The following CTIF variants were observed in gnomAD, a reference collection of about 807,000 sequenced individuals.
CTIF encodes CBP80/20-dependent translation initiation factor.
CTIF carries 21 observed loss-of-function variants against 66.0 expected under a neutral mutation model. The observed-to-expected ratio is 0.32, with a 90% CI of 0.23 to 0.46. CTIF has a LOEUF of 0.46. Ranked by LOEUF, CTIF falls within the 20% of genes least tolerant of loss-of-function variation. The pLI is 1.00. For missense variants in CTIF, 739 were observed against 812.7 expected, an observed-to-expected ratio of 0.91 and a Z score of 1.10; for synonymous variants, 345 against 326.4, an observed-to-expected ratio of 1.06 and a Z score of -0.62.
chr18:48,822,372 A>G (rs1392895229), intron 10 of CTIF, among the ~76,000 whole-genome samples: 3 of 152,062 alleles, frequency 2.0e-5, no homozygotes, highest in African/African-American at 7.2e-5. Context: ...TCTTCTAGCT[A>G]TTTTGAAATA....
chr18:48,636,690 G>A lies in CTIF; in HGVS notation c.252+5G>A, dbSNP rs561672289. On this transcript the variant is annotated splice_donor_5th_base_variant and intron_variant, in intron 3 of 11. Coordinates refer to ENST00000256413, the MANE Select transcript of CTIF (RefSeq NM_014772.3). ...GGGCGAGCCCCCCCACAGCAGGTAG[G>A]GAACCAGCTCTGCGCTCTGTCTGGG... is the stretch of plus-strand genomic sequence containing the variant. The A allele has an allele frequency of 8.8e-6, 14 of 1,592,002 alleles. No homozygotes were observed. Among genetic ancestry groups the A allele is most frequent in the South Asian group, 5.8e-5 (5 of 86,838 alleles).
chr18:48,675,771 G>A (rs1312176673), intron 6 of CTIF, among the ~76,000 whole-genome samples: 1 of 152,206 alleles, frequency 6.6e-6, no homozygotes, highest in Non-Finnish European at 1.5e-5. Context: ...GGGCTGCAGG[G>A]GAACACCCAC....
intron 1 of CTIF, among the ~76,000 whole-genome samples, chr18:48,585,139 C>T (rs1313230457): frequency 4.6e-5 from 7 of 152,246 alleles, no homozygotes; most frequent in Non-Finnish European, 1.0e-4. Context: ...TGTGTAGCCA[C>T]ATTTCTCAAA....
At chr18:48,598,791 G>A (rs909559232) in intron 1 of CTIF, among the ~76,000 whole-genome samples, 3 of 152,120 alleles carry the variant, frequency 2.0e-5, no homozygotes, top group Admixed American at 1.3e-4. Context: ...ATTCAGCATG[G>A]GCCAAAAGTA....
At chr18:48,793,615 T>G (rs1344865202) in intron 9 of CTIF, among the ~76,000 whole-genome samples, 1 of 152,210 alleles carries the variant, frequency 6.6e-6, no homozygotes, top group Admixed American at 6.5e-5. Flanking sequence ...GGCCACAGGC[T>G]CCAGGGGGCT....
At chr18:48,687,493 G>A (rs72909786) in intron 6 of CTIF, among the ~76,000 whole-genome samples, 6,809 of 152,082 alleles carry the variant, frequency 0.045, 240 homozygotes, top group East Asian at 0.074. Context: ...AAAGTGCTCT[G>A]GGACTCAAGG....
At position 48,652,879 on chromosome 18, in the gene CTIF, A is replaced by T. The variant is rs530730825; in HGVS notation, c.253-10873A>T. On this transcript the variant is annotated intron_variant, in intron 3 of 11. Coordinates refer to ENST00000256413, the MANE Select transcript of CTIF (RefSeq NM_014772.3). ...ATAAACAAAACCAACGACAAAAACC[A>T]CATGATTATCTCAATAGATGCAGAA... 3.4e-3 allele frequency among the ~76,000 whole-genome samples: 512 copies of T among 152,332 alleles called. 3 individuals carry two copies. The highest frequency in any genetic ancestry group is 0.012 in the African/African-American group (488 of 41,568).
At chr18:48,590,069 G>T (rs2089856819) in intron 1 of CTIF, among the ~76,000 whole-genome samples, 1 of 152,206 alleles carries the variant, frequency 6.6e-6, no homozygotes, top group Admixed American at 6.5e-5. Flanking sequence ...CCTGACCTGT[G>T]TCTGGCCTTT....
intron 7 of CTIF, among the ~76,000 whole-genome samples, chr18:48,742,231 T>C (rs1394635903): frequency 6.6e-6 from 1 of 152,022 alleles, no homozygotes; most frequent in Non-Finnish European, 1.5e-5. Flanking sequence ...CAAGAGAAGA[T>C]GTGTTGAGGC....
chr18:48,560,803 G>C (rs2145610688), intron 1 of CTIF, among the ~76,000 whole-genome samples: 1 of 152,120 alleles, frequency 6.6e-6, no homozygotes, highest in East Asian at 1.9e-4. Flanking sequence ...GATCTCCTAG[G>C]CTCCAGTGAT....
intron 1 of CTIF, among the ~76,000 whole-genome samples, chr18:48,598,132 G>A (rs753924214): frequency 1.1e-4 from 17 of 152,182 alleles, no homozygotes; most frequent in Non-Finnish European, 2.5e-4. Context: ...GGGTGGGCAG[G>A]GAAACCCCAG....
Position 48,753,401 on chromosome 18 carries a change from T to C in CTIF, c.585-4518T>C, listed in dbSNP as rs182771386. ...CCATTTGGACTGCTGTTAAAACCAT[T>C]TTTTTAAACAAAATTTGAAGTTATT... On this transcript the variant is annotated intron_variant, in intron 7 of 11. Coordinates refer to ENST00000256413, the MANE Select transcript of CTIF (RefSeq NM_014772.3). Among the ~76,000 whole-genome samples, 727 of 152,254 alleles carry C rather than the reference T, an allele frequency of 4.8e-3. 5 individuals are homozygous for C. The highest frequency in any genetic ancestry group is 7.1e-3 in the Non-Finnish European group (483 of 68,016).
chr18:48,712,401 G>A (rs1477597761), intron 7 of CTIF, among the ~76,000 whole-genome samples: 1 of 152,208 alleles, frequency 6.6e-6, no homozygotes, highest in Non-Finnish European at 1.5e-5. Flanking sequence ...TATAAGGGGA[G>A]ATCTTCAAGA....
chr18:48,614,051 TCTTTTC>T (rs1287868271), intron 1 of CTIF, among the ~76,000 whole-genome samples: 1 of 152,220 alleles, frequency 6.6e-6, no homozygotes, highest in African/African-American at 2.4e-5. Flanking sequence ...CTACCTTCCC[TCTTTTC>T]CTTTTCCTTC....
At chr18:48,716,691 C>G (rs543777923) in intron 7 of CTIF, among the ~76,000 whole-genome samples, 75 of 152,240 alleles carry the variant, frequency 4.9e-4, no homozygotes, top group Admixed American at 2.2e-3. Flanking sequence ...TGATCCCGCC[C>G]GACTGTCAGC....
Position 48,764,151 on chromosome 18 carries a change from C to G in CTIF, c.1371+2462C>G, listed in dbSNP as rs1909283095. On this transcript the variant is annotated intron_variant, in intron 9 of 11. Transcript: ENST00000256413. ...TCTCACACTCCTACTTCAGGTGGTG[C>G]TAGGGCCCCACTTTCCAGGAAACAC... Among the ~76,000 whole-genome samples, 6 of 152,158 alleles carry G rather than the reference C, an allele frequency of 3.9e-5. No homozygotes were observed. The South Asian group carries it at 1.2e-3, about 31-fold the overall frequency.
intron 7 of CTIF, among the ~76,000 whole-genome samples, chr18:48,721,736 T>C (rs2092337840): frequency 6.8e-6 from 1 of 147,992 alleles, no homozygotes; most frequent in Non-Finnish European, 1.5e-5. Context: ...GAGTCTAACC[T>C]CAGAGAACGT....
chr18:48,816,071 G>A (rs9959212), intron 9 of CTIF, among the ~76,000 whole-genome samples: 77,380 of 151,984 alleles, frequency 0.51, 20,913 homozygotes, highest in African/African-American at 0.69. Flanking sequence ...CATGTAGATG[G>A]TGTGTGTGCA....
intron 10 of CTIF, among the ~76,000 whole-genome samples, chr18:48,828,790 G>A (rs572785558): frequency 2.0e-5 from 3 of 152,320 alleles, no homozygotes; most frequent in African/African-American, 7.2e-5. Flanking sequence ...CCCTGCAGAG[G>A]GCACAAGCCT....
Sources: gnomAD v4.1 joint callset for allele counts (sites outside exome capture counted in the v4.1 genomes callset) on GRCh38, gnomAD v4.1.1 for gene constraint, MANE v1.5 for transcripts, NCBI Gene and HGNC (gene_info 2026-07-23, HGNC 2026-07-21) for gene names.